Variants in TNRC18 observed in about 807,000 individuals in gnomAD.
The protein encoded by TNRC18 is trinucleotide repeat-containing gene 18 protein.
In TNRC18, 69 loss-of-function variants were observed where a neutral mutation model predicts 226.7. The ratio of observed to expected loss-of-function variants is 0.30; its 90% CI spans 0.25 to 0.37. The LOEUF is 0.37. Ranked by LOEUF, TNRC18 falls within the 10% of genes least tolerant of loss-of-function variation. The pLI, the probability that TNRC18 is intolerant of heterozygous loss-of-function variation, is 1.00. For missense variants in TNRC18, 4,754 were observed against 4,256.6 expected, an observed-to-expected ratio of 1.12 and a Z score of -3.25; for synonymous variants, 2,449 against 1,927.6, an observed-to-expected ratio of 1.27 and a Z score of -7.09.
chr7:5,312,786 T>G lies in TNRC18; in HGVS notation c.8105A>C (p.Lys2702Thr). The change falls in exon 27 of 30, where the codon AAG (lysine) becomes ACG (threonine). Residue 2702 changes from lysine to threonine, a missense_variant. Lys to Thr is a moderately conservative substitution (Grantham distance 78). Coordinates refer to ENST00000430969, the MANE Select transcript of TNRC18 (RefSeq NM_001080495.3). This position sits in a 1 kb window ranked among gnomAD's most constrained non-coding sequence, Gnocchi z 6.3. ...GPSAQAALPT[K>T]ATKQAGKARP... is the part of the protein sequence containing the mutation. ...CGCCTTGCCGGCCTGCTTGGTGGCC[T>G]TGGTGGGGAGCGCCGCCTGCGCGGA... 6.5e-7 allele frequency: 1 copy of G among 1,533,866 alleles called. No individual in the cohort carries two copies. The highest frequency in any genetic ancestry group is 8.7e-7 in the Non-Finnish European group (1 of 1,145,016).
chr7:5,392,343 G>C (rs1372010496), intron 3 of TNRC18, among the ~76,000 whole-genome samples: 1 of 152,086 alleles, frequency 6.6e-6, no homozygotes, highest in Non-Finnish European at 1.5e-5. Context: ...GGCGCCTGTA[G>C]TCCCAGCTCC....
At chr7:5,325,428 G>GTTT (rs541568896) in intron 19 of TNRC18, 180 bp from the exon 20 acceptor site, 63 of 468,242 alleles carry the variant, frequency 1.3e-4, no homozygotes, top group East Asian at 2.3e-4. Flanking sequence ...GTTTTTTTTT[G>GTTT]TTTTTTTTTT....
intron 2 of TNRC18, among the ~76,000 whole-genome samples, chr7:5,417,936 CCT>C (rs768043550): frequency 2.0e-5 from 3 of 152,178 alleles, no homozygotes; most frequent in African/African-American, 4.8e-5. Flanking sequence ...CCCGTGGCCC[CCT>C]GTTGCCAAGC....
rs369628537 is a variant in TNRC18, at chr7:5,312,858, G to A, written c.8033C>T (p.Ser2678Phe). ...SSSSTTDEDSSCSSDDEAAPA... is the reference protein window; with the variant it reads ...SSSSTTDEDSFCSSDDEAAPA... Reference sequence around the variant, plus strand: ...GGCTGCCTCATCGTCCGAGCTGCAGGAAGAGTCCTCGTCTGTGGTGGAGGA... The same window carrying A: ...GGCTGCCTCATCGTCCGAGCTGCAGAAAGAGTCCTCGTCTGTGGTGGAGGA... The change falls in exon 27 of 30, where the codon TCC becomes TTC. Residue 2678 changes from serine (S) to phenylalanine (F), a missense_variant. Coordinates refer to ENST00000430969, the MANE Select transcript of TNRC18 (RefSeq NM_001080495.3). This position sits in a 1 kb window ranked among gnomAD's most constrained non-coding sequence, Gnocchi z 6.3. The A allele has an allele frequency of 3.9e-6, 6 of 1,527,198 alleles. No homozygotes were observed. The highest frequency in any genetic ancestry group is 3.9e-5 in the South Asian group (3 of 77,094). 94.6% of individuals were successfully genotyped at this position (1,527,198 alleles called of 1,614,324 possible).
chr7:5,371,338 C>A lies in TNRC18; in HGVS notation c.3256G>T (p.Ala1086Ser), dbSNP rs775255090. ...SDIPPRYPFQ[A>S]LPPHYGRPYP... ...GGCCTCCCGTAGTGCGGTGGCAGGG[C>A]TTGGAACGGGTACCTGGGCGGGATA... The change falls in exon 11 of 30, where the codon GCC becomes TCC. Residue 1086 changes from alanine to serine, a missense_variant. Coordinates refer to ENST00000430969, the MANE Select transcript of TNRC18 (RefSeq NM_001080495.3). The A allele has an allele frequency of 1.8e-5, 28 of 1,519,100 alleles. 1 individual carries two copies. The highest frequency in any genetic ancestry group is 1.8e-4 in the South Asian group (14 of 79,000). The allele number at this position is 1,519,100 out of a possible 1,614,324, so 94.1% of individuals were successfully genotyped here. A position where few individuals can be genotyped will look rare whatever the true frequency, so the allele number is the denominator to read the frequency against.
chr7:5,412,764 T>C (rs184376857), intron 2 of TNRC18, among the ~76,000 whole-genome samples: 2 of 152,280 alleles, frequency 1.3e-5, no homozygotes, highest in East Asian at 1.9e-4. Context: ...TGCCTCTAGA[T>C]GGAGCAGTGT....
intron 24 of TNRC18, among the ~76,000 whole-genome samples, chr7:5,318,669 G>C (rs542124548): frequency 6.6e-6 from 1 of 152,114 alleles, no homozygotes; most frequent in African/African-American, 2.4e-5. Flanking sequence ...AGTTTCCAGA[G>C]ATAAAAAAGC....
At chr7:5,310,446 G>T (rs1398565567) in intron 27 of TNRC18, among the ~76,000 whole-genome samples, 1 of 152,098 alleles carries the variant, frequency 6.6e-6, no homozygotes, top group African/African-American at 2.4e-5. Context: ...ATGTTGGCAG[G>T]GTGGTCTCGA....
At chr7:5,416,426 A>G (rs909536146) in intron 2 of TNRC18, among the ~76,000 whole-genome samples, 1 of 152,170 alleles carries the variant, frequency 6.6e-6, no homozygotes, top group Non-Finnish European at 1.5e-5. Flanking sequence ...AAAAAAGAAA[A>G]AAAAATTTGC....
At chr7:5,412,766 G>C (rs1035850925) in intron 2 of TNRC18, among the ~76,000 whole-genome samples, 2 of 152,144 alleles carry the variant, frequency 1.3e-5, no homozygotes, top group Non-Finnish European at 2.9e-5. Context: ...CCTCTAGATG[G>C]AGCAGTGTTC....
intron 5 of TNRC18, among the ~76,000 whole-genome samples, chr7:5,385,436 C>T (rs1414365275): frequency 2.9e-5 from 4 of 136,078 alleles, no homozygotes; most frequent in Non-Finnish European, 4.6e-5. Context: ...TGCAGTGAGC[C>T]GAGATTGCGC....
rs776965191 is a variant in TNRC18, at chr7:5,362,813, G to T, written c.4232C>A (p.Ala1411Asp). ...CTCCAGGGAGGGCCGCGCCACCAGG[G>T]CCCGCTCCGCACCTGTGGACAGGAG... ...RSQEMGGAER[A>D]LVARPSLESL... Residue 1411 changes from alanine (A) to aspartate (D), a missense_variant, in exon 12 of 30, where the codon GCC (alanine) becomes GAC (aspartate). By Grantham distance (126) the Ala-to-Asp change is moderately radical. Transcript: ENST00000430969. The T allele has an allele frequency of 3.9e-5, 61 of 1,552,324 alleles. No homozygotes were observed. Among genetic ancestry groups the T allele is most frequent in the Non-Finnish European group, 5.1e-5 (59 of 1,149,664 alleles).
At chr7:5,381,965 CATAA>C (rs1296235806) in intron 5 of TNRC18, among the ~76,000 whole-genome samples, 1 of 151,920 alleles carries the variant, frequency 6.6e-6, no homozygotes, top group Non-Finnish European at 1.5e-5. Flanking sequence ...GACTCCATCT[CATAA>C]ATAAATTAAT....
intron 5 of TNRC18, among the ~76,000 whole-genome samples, chr7:5,378,412 TTTTA>T (rs1307148120): frequency 2.6e-5 from 4 of 151,736 alleles, no homozygotes; most frequent in East Asian, 1.9e-4. Flanking sequence ...TTTATTTTAT[TTTTA>T]TTTATTTATT....
At position 5,309,229 on chromosome 7, in the gene TNRC18, C is replaced by T; in HGVS notation, c.8528G>A (p.Ser2843Asn). The change falls in exon 28 of 30, where the codon AGC becomes AAC. Residue 2843 changes from serine (S) to asparagine (N), a missense_variant. Physicochemically the swap from Ser to Asn is conservative, Grantham distance 46. Coordinates refer to ENST00000430969, the MANE Select transcript of TNRC18 (RefSeq NM_001080495.3). The surrounding 1 kb of genome is among the most constrained non-coding windows in gnomAD (Gnocchi z 5.7). ...PNLPYIGRIQ[S>N]MWESWGNNMV... ...GTTGTTGCCCCACGACTCCCACATG[C>T]TCTGGATGCGGCCGATGTAGGGCAG... 2 of 1,613,798 alleles carry T rather than the reference C, an allele frequency of 1.2e-6. No homozygotes were observed. The highest frequency in any genetic ancestry group is 1.7e-6 in the Non-Finnish European group (2 of 1,179,810).
rs1780059767 is a variant in TNRC18, at chr7:5,389,027, A to G, written c.797T>C (p.Leu266Pro). The G allele has an allele frequency of 3.0e-6, 4 of 1,317,214 alleles. No individual in the cohort carries two copies. The East Asian group carries it at 1.1e-4, about 36-fold the overall frequency. 81.6% of individuals were successfully genotyped at this position (1,317,214 alleles called of 1,614,324 possible). The change falls in exon 5 of 30, where the codon CTG becomes CCG. Residue 266 changes from leucine to proline, a missense_variant. Coordinates refer to ENST00000430969, the MANE Select transcript of TNRC18 (RefSeq NM_001080495.3). ...PRLAERLSPF[L>P]AESKTKNAAL... ...CGCATTCTTGGTCTTGGACTCAGCC[A>G]GGAAGGGCGACAGGCGCTCAGCCAG...
chr7:5,317,314 G>A (rs1177248777), intron 24 of TNRC18, among the ~76,000 whole-genome samples: 1 of 152,132 alleles, frequency 6.6e-6, no homozygotes, highest in Non-Finnish European at 1.5e-5. Flanking sequence ...ATGAGGCCTG[G>A]CGCAGTGGCT....
chr7:5,377,098 G>A lies in TNRC18; in HGVS notation c.2462-105C>T. The A allele has an allele frequency of 6.8e-7, 1 of 1,461,030 alleles. No individual in the cohort carries two copies. The highest frequency in any genetic ancestry group is 9.2e-7 in the Non-Finnish European group (1 of 1,092,658). The allele number at this position is 1,461,030 out of a possible 1,614,324, so 90.5% of individuals were successfully genotyped here. ...ACCTCCCAAGTCCTGAACCTCCTGG[G>A]GCCTCCAGTGGGGAAGCCAAGGGAC... On this transcript the variant is annotated intron_variant, in intron 7 of 29. Coordinates refer to ENST00000430969, the MANE Select transcript of TNRC18 (RefSeq NM_001080495.3). This position sits in a 1 kb window ranked among gnomAD's most constrained non-coding sequence, Gnocchi z 5.8.
chr7:5,322,088 G>A (rs528503309), intron 21 of TNRC18, among the ~76,000 whole-genome samples: 1 of 151,922 alleles, frequency 6.6e-6, no homozygotes, highest in Non-Finnish European at 1.5e-5. Flanking sequence ...GACCATCCTA[G>A]CTAACATGGT....
Sources: gnomAD v4.1 joint callset for allele counts (sites outside exome capture counted in the v4.1 genomes callset) on GRCh38, gnomAD v4.1.1 for gene constraint, Gnocchi (gnomAD v3.1) non-coding constraint, MANE v1.5 for transcripts, NCBI Gene and HGNC (gene_info 2026-07-23, HGNC 2026-07-21) for gene names.